Variants in SH3BP4 observed in about 807,000 individuals in gnomAD.
SH3BP4 encodes SH3 domain-binding protein 4.
A neutral mutation model predicts 65.5 loss-of-function variants in SH3BP4; 33 were observed. The observed-to-expected ratio is 0.50, with a 90% confidence interval of 0.38 to 0.67. The LOEUF is 0.67. Among genes scored for constraint, SH3BP4 ranks in the 30% least tolerant of loss-of-function variants. The probability of loss-of-function intolerance (pLI) is 0.00; values close to 1 mark genes in which losing one functional copy is unlikely to be tolerated. For missense variants in SH3BP4, 1,134 were observed against 1,261.4 expected (o/e 0.90, Z 1.53); for synonymous variants, 552 against 545.5 (o/e 1.01, Z -0.17).
chr2:235,012,600 G>A (rs536895283), intron 2 of SH3BP4, among the ~76,000 whole-genome samples: 5 of 152,178 alleles, frequency 3.3e-5, no homozygotes, highest in South Asian at 2.1e-4. Flanking sequence ...CCCAAGCCTC[G>A]CTCATAGTTC....
intron 1 of SH3BP4, among the ~76,000 whole-genome samples, chr2:234,970,845 CT>C (rs924916412): frequency 6.0e-4 from 88 of 146,658 alleles, no homozygotes; most frequent in Non-Finnish European, 5.1e-4. Flanking sequence ...AGAGGGTTGA[CT>C]TTTTTTTTTT....
At chr2:234,966,896 A>C (rs1692850832) in intron 1 of SH3BP4, among the ~76,000 whole-genome samples, 1 of 152,240 alleles carries the variant, frequency 6.6e-6, no homozygotes, top group African/African-American at 2.4e-5. Flanking sequence ...TGATAGTAGA[A>C]ATATTAAAAA....
intron 2 of SH3BP4, among the ~76,000 whole-genome samples, chr2:235,031,509 C>A (rs974977841): frequency 3.9e-5 from 6 of 152,222 alleles, no homozygotes; most frequent in African/African-American, 1.4e-4. Context: ...CCTCCTCAAT[C>A]GGAAAGCTGC....
At chr2:234,970,519 A>G (rs1439801381) in intron 1 of SH3BP4, among the ~76,000 whole-genome samples, 1 of 152,244 alleles carries the variant, frequency 6.6e-6, no homozygotes, top group Non-Finnish European at 1.5e-5. Context: ...TTCTGAGATC[A>G]TGGTTTTACA....
chr2:235,049,438 G>C (rs982430806), intron 4 of SH3BP4, among the ~76,000 whole-genome samples: 57 of 152,312 alleles, frequency 3.7e-4, no homozygotes, highest in African/African-American at 1.3e-3. Context: ...GAGTAGCCAC[G>C]AAAGAGCTGA....
chr2:234,970,680 G>C (rs11695168), intron 1 of SH3BP4, among the ~76,000 whole-genome samples: 4,453 of 152,264 alleles, frequency 0.029, 104 homozygotes, highest in Non-Finnish European at 0.039. Context: ...GCATTCCGCC[G>C]CTAATTCCAG....
At chr2:235,032,640 C>T (rs1465414770) in intron 2 of SH3BP4, among the ~76,000 whole-genome samples, 1 of 151,590 alleles carries the variant, frequency 6.6e-6, no homozygotes, top group East Asian at 2.0e-4. Context: ...GCGGCAAGAC[C>T]CCTTCATCCA....
rs115566353 is a variant in SH3BP4 at position 235,030,557 on chromosome 2, G to A, written c.-132-4314G>A. 8.2e-3 allele frequency among the ~76,000 whole-genome samples: 1,243 copies of A among 152,152 alleles called. 10 individuals are homozygous for A. The highest frequency in any genetic ancestry group is 0.012 in the Non-Finnish European group (784 of 67,986). ...TAGATGCCGTTAGAATCCATCGGGG[G>A]AAGTGGGTGATCCAGGGGAGATTGA... is the stretch of plus-strand genomic sequence containing the variant. On this transcript the variant is annotated intron_variant, in intron 2 of 5. Coordinates refer to ENST00000392011, the MANE Select transcript of SH3BP4 (RefSeq NM_014521.3). The surrounding 1 kb of genome is among the most constrained non-coding windows in gnomAD (Gnocchi z 4.1).
At chr2:235,043,808 G>A (rs905126128) in intron 4 of SH3BP4, among the ~76,000 whole-genome samples, 12 of 152,394 alleles carry the variant, frequency 7.9e-5, no homozygotes, top group East Asian at 3.9e-4. Context: ...CTGATGTCCC[G>A]CTGCCTGGGA....
At chr2:235,022,926 G>C (rs1694888420) in intron 2 of SH3BP4, among the ~76,000 whole-genome samples, 1 of 152,186 alleles carries the variant, frequency 6.6e-6, no homozygotes, top group Non-Finnish European at 1.5e-5. Flanking sequence ...GATGGGTCTG[G>C]TTGGGCCCCA....
At chr2:235,047,518 GAA>G (rs1282961792) in intron 4 of SH3BP4, among the ~76,000 whole-genome samples, 1 of 152,222 alleles carries the variant, frequency 6.6e-6, no homozygotes, top group Admixed American at 6.5e-5. Flanking sequence ...TTAAGAATCA[GAA>G]AAGTCATTCA....
intron 1 of SH3BP4, among the ~76,000 whole-genome samples, chr2:234,987,137 G>A (rs895636917): frequency 8.5e-5 from 13 of 152,050 alleles, no homozygotes; most frequent in Non-Finnish European, 1.5e-4. Context: ...ACATTCTCAG[G>A]CCCACCCCAG....
intron 1 of SH3BP4, among the ~76,000 whole-genome samples, chr2:234,965,688 A>G (rs1437143119): frequency 6.6e-6 from 1 of 151,910 alleles, no homozygotes; most frequent in East Asian, 1.9e-4. Flanking sequence ...TTCTGGGAAG[A>G]TGGGGGTTTT....
intron 1 of SH3BP4, among the ~76,000 whole-genome samples, chr2:234,969,335 T>C (rs977720980): frequency 6.6e-6 from 1 of 152,192 alleles, no homozygotes; most frequent in African/African-American, 2.4e-5. Context: ...TCCTTCCTCA[T>C]GGTCAAGTCC....
chr2:234,964,577 A>G (rs1445164443), intron 1 of SH3BP4, among the ~76,000 whole-genome samples: 1 of 151,958 alleles, frequency 6.6e-6, no homozygotes, highest in East Asian at 1.9e-4. Context: ...AAGCCCCACT[A>G]AGTAGGGGGA....
chr2:235,031,810 C>T lies in SH3BP4; in HGVS notation c.-132-3061C>T, dbSNP rs956872068. ...CTCTCCAGGTAACAGTTCCTGTTAC[C>T]GCCCTAGGCCCCACCAGGGCTGGCG... On this transcript the variant is annotated intron_variant, in intron 2 of 5. Transcript: ENST00000392011. Among the ~76,000 whole-genome samples, 3 of 152,218 alleles carry T rather than the reference C, an allele frequency of 2.0e-5. No individual in the cohort carries two copies. The South Asian group carries it at 6.2e-4, about 32-fold the overall frequency.
chr2:235,007,057 C>A (rs1694318257), intron 2 of SH3BP4, among the ~76,000 whole-genome samples: 1 of 152,236 alleles, frequency 6.6e-6, no homozygotes, highest in Admixed American at 6.5e-5. Flanking sequence ...ATGTCATCTT[C>A]CCCCGGTCAG....
At chr2:235,047,758 G>A (rs934998821) in intron 4 of SH3BP4, among the ~76,000 whole-genome samples, 1 of 152,178 alleles carries the variant, frequency 6.6e-6, no homozygotes, top group Non-Finnish European at 1.5e-5. Flanking sequence ...TCCACCATAA[G>A]AACGAAGCCG....
At position 234,952,276 on chromosome 2, in the gene SH3BP4, G is replaced by C. The variant is rs1451453492; in HGVS notation, c.-207+106G>C. 3 of 150,492 alleles carry C rather than the reference G, an allele frequency of 2.0e-5. No individual in the cohort carries two copies. The highest frequency in any genetic ancestry group is 4.5e-5 in the Non-Finnish European group (3 of 67,330). 9.3% of individuals were successfully genotyped at this position (150,492 alleles called of 1,614,324 possible). A position where few individuals can be genotyped will look rare whatever the true frequency, so the allele number is the denominator to read the frequency against. Reference sequence around the variant, plus strand: ...TTGCACTCCCTTGCGGGCGCAGATCGTGCCGCGGGCGCCGATCGTGCCACC... The same window carrying C: ...TTGCACTCCCTTGCGGGCGCAGATCCTGCCGCGGGCGCCGATCGTGCCACC... On this transcript the variant is annotated intron_variant, in intron 1 of 5. Coordinates refer to ENST00000392011, the MANE Select transcript of SH3BP4 (RefSeq NM_014521.3). This position sits in a 1 kb window ranked among gnomAD's most constrained non-coding sequence, Gnocchi z 6.5.
Sources: gnomAD v4.1 joint callset for allele counts (sites outside exome capture counted in the v4.1 genomes callset) on GRCh38, gnomAD v4.1.1 for gene constraint, Gnocchi (gnomAD v3.1) non-coding constraint, MANE v1.5 for transcripts, NCBI Gene and HGNC (gene_info 2026-07-23, HGNC 2026-07-21) for gene names.